PRDM10: variants seen among roughly 807,000 people sequenced by gnomAD.
PRDM10 encodes the protein PR domain zinc finger protein 10.
In PRDM10, 65 loss-of-function variants were observed where a neutral mutation model predicts 133.1. That is an observed-to-expected ratio of 0.49 (90% confidence interval 0.40 to 0.60). The LOEUF is 0.60. Ranked by LOEUF, PRDM10 falls within the 20% of genes least tolerant of loss-of-function variation. The pLI is 0.00. For missense variants in PRDM10, 1,137 were observed against 1,507.1 expected (o/e 0.75, Z 4.07); for synonymous variants, 582 against 580.4 (o/e 1.00, Z -0.04).
At chr11:129,929,657 C>T (rs1950789382) in intron 11 of PRDM10, among the ~76,000 whole-genome samples, 1 of 151,836 alleles carries the variant, frequency 6.6e-6, no homozygotes, top group African/African-American at 2.4e-5. Context: ...AAACCAGTAA[C>T]CCTGCTCATT....
At chr11:129,914,145 G>A (rs1053029432) in intron 17 of PRDM10, among the ~76,000 whole-genome samples, 4 of 152,150 alleles carry the variant, frequency 2.6e-5, no homozygotes, top group Admixed American at 6.5e-5. Context: ...GGGATTACAG[G>A]CATCCGCCAC....
chr11:129,953,000 TCTCA>T (rs1951617472), intron 4 of PRDM10, among the ~76,000 whole-genome samples: 1 of 151,440 alleles, frequency 6.6e-6, no homozygotes, highest in South Asian at 2.1e-4. Flanking sequence ...TGAGACAGAG[TCTCA>T]CTCTTATCGC....
At chr11:129,959,457 CT>C (rs1016127177) in intron 2 of PRDM10, among the ~76,000 whole-genome samples, 8 of 152,154 alleles carry the variant, frequency 5.3e-5, no homozygotes, top group African/African-American at 1.7e-4. Flanking sequence ...AGCTTTTCTG[CT>C]TGGTCTTCAT....
chr11:129,928,905 AGT>A (rs1950766811), intron 11 of PRDM10, among the ~76,000 whole-genome samples: 2 of 152,172 alleles, frequency 1.3e-5, no homozygotes, highest in African/African-American at 4.8e-5. Context: ...TCTCTGAAAC[AGT>A]CTACCTTCCT....
intron 1 of PRDM10, among the ~76,000 whole-genome samples, chr11:129,997,678 G>T (rs1223465968): frequency 6.6e-6 from 1 of 152,130 alleles, no homozygotes; most frequent in Non-Finnish European, 1.5e-5. Context: ...TTGAATAACA[G>T]ACCAAGTTTG....
intron 10 of PRDM10, among the ~76,000 whole-genome samples, chr11:129,931,860 G>C (rs1448840767): frequency 6.6e-6 from 1 of 152,180 alleles, no homozygotes; most frequent in Non-Finnish European, 1.5e-5. Context: ...GAGCCACTGC[G>C]CCTGGCCAAG....
Position 129,961,071 on chromosome 11 carries a change from T to C in PRDM10, c.-107A>G. The stretch of plus-strand genomic sequence containing the variant: ...TGTTCATGAAGGACGGAAAGGTCTG[T>C]CTGCAGCATGCCTGAGAAAACACAG... On this transcript the variant is annotated 5_prime_UTR_variant, in exon 2 of 21. Transcript: ENST00000360871. 5.8e-6 allele frequency: 5 copies of C among 861,854 alleles called. No individual in the cohort carries two copies. Among genetic ancestry groups the C allele is most frequent in the Non-Finnish European group, 7.2e-6 (4 of 558,844 alleles). The allele number at this position is 861,854 out of a possible 1,614,324, so 53.4% of individuals were successfully genotyped here.
intron 1 of PRDM10, among the ~76,000 whole-genome samples, chr11:129,995,502 C>T (rs1195937385): frequency 6.6e-6 from 1 of 152,188 alleles, no homozygotes; most frequent in Admixed American, 6.6e-5. Context: ...TAGCTAGTCC[C>T]TATTAGAAGG....
chr11:129,969,331 A>C (rs981378884), intron 1 of PRDM10, among the ~76,000 whole-genome samples: 6 of 152,176 alleles, frequency 3.9e-5, no homozygotes, highest in Non-Finnish European at 7.3e-5. Flanking sequence ...TAAATACTAC[A>C]GGCCTTGGGC....
In PRDM10 at chr11:129,947,313, C is replaced by T. The variant is rs142043077; in HGVS notation, c.352G>A (p.Asp118Asn). ...LPSIESVDGS[D>N]PLATLQTPLG... ...GGGGTCTGCAGAGTTGCCAAAGGGT[C>T]GGACCCATCTACACTCTCGATGGAA... Residue 118 changes from aspartate to asparagine, a missense_variant, in exon 5 of 21, where the codon GAC (aspartate) becomes AAC (asparagine). Transcript: ENST00000360871. This position sits in a 1 kb window ranked among gnomAD's most constrained non-coding sequence, Gnocchi z 4.6. The T allele has an allele frequency of 1.1e-4, 184 of 1,614,126 alleles. No homozygotes were observed. The African/African-American group carries it at 2.1e-3, about 19-fold the overall frequency.
At position 129,938,396 on chromosome 11, in the gene PRDM10, T is replaced by C. The variant is rs144061608; in HGVS notation, c.967-726A>G. 4.6e-3 allele frequency among the ~76,000 whole-genome samples: 705 copies of C among 152,272 alleles called. 18 individuals carry two copies. The highest frequency in any genetic ancestry group is 0.039 in the Admixed American group (595 of 15,270). ...CTCACACCTCCACCCATCTTCCCCA[T>C]CTTGATGAATACCTTCCACCCAGTT... is the stretch of plus-strand genomic sequence containing the variant. On this transcript the variant is annotated intron_variant, in intron 7 of 20. Transcript: ENST00000360871.
intron 14 of PRDM10, among the ~76,000 whole-genome samples, chr11:129,917,476 G>A (rs898784759): frequency 2.0e-5 from 3 of 152,238 alleles, no homozygotes; most frequent in Non-Finnish European, 2.9e-5. Context: ...ACTCACTGTG[G>A]TGAATTCAGC....
Position 129,945,658 on chromosome 11 carries a change from C to T in PRDM10, c.521-646G>A, listed in dbSNP as rs921369398. ...CAAGAGCACTCGGTTTGCACCAGTC[C>T]GGCCACACGCCCTGCCTCTTTGCCA... On this transcript the variant is annotated intron_variant, in intron 5 of 20. Transcript: ENST00000360871. This position sits in a 1 kb window ranked among gnomAD's most constrained non-coding sequence, Gnocchi z 4.2. 6.6e-6 allele frequency among the ~76,000 whole-genome samples: 1 copy of T among 152,116 alleles called. No individual in the cohort carries two copies. Among genetic ancestry groups the T allele is most frequent in the South Asian group, 2.1e-4 (1 of 4,830 alleles).
chr11:129,990,937 T>C (rs1457464620), intron 1 of PRDM10, among the ~76,000 whole-genome samples: 1 of 152,220 alleles, frequency 6.6e-6, no homozygotes, highest in African/African-American at 2.4e-5. Flanking sequence ...TGGCATATAA[T>C]GAAGACCTAC....
At chr11:129,989,305 G>C (rs920111477) in intron 1 of PRDM10, among the ~76,000 whole-genome samples, 2 of 151,754 alleles carry the variant, frequency 1.3e-5, no homozygotes, top group African/African-American at 4.8e-5. Flanking sequence ...CCCTGCCTCT[G>C]GGAGGGAAAA....
intron 1 of PRDM10, among the ~76,000 whole-genome samples, chr11:129,991,435 G>A (rs996234054): frequency 2.0e-5 from 3 of 152,132 alleles, no homozygotes; most frequent in Non-Finnish European, 2.9e-5. Context: ...TGTAATCCCC[G>A]CACTTTGGGA....
intron 15 of PRDM10, among the ~76,000 whole-genome samples, chr11:129,916,186 C>G (rs1357531516): frequency 6.6e-6 from 1 of 152,194 alleles, no homozygotes; most frequent in Non-Finnish European, 1.5e-5. Context: ...TAAGGCCCAT[C>G]CACCTCATAT....
chr11:129,988,227 G>T lies in PRDM10; in HGVS notation c.-119+14495C>A, dbSNP rs185564903. On this transcript the variant is annotated intron_variant, in intron 1 of 20. Transcript: ENST00000360871. Reference sequence around the variant, plus strand: ...TTAGGAGGAGATAGAAAAATTAATGGTGACAGCTAAATGGTTCAGGAATTC... The same window carrying T: ...TTAGGAGGAGATAGAAAAATTAATGTTGACAGCTAAATGGTTCAGGAATTC... Among the ~76,000 whole-genome samples, 1,112 of 152,256 alleles carry T rather than the reference G, an allele frequency of 7.3e-3. 45 individuals are homozygous for T. The highest frequency in any genetic ancestry group is 0.06 in the Admixed American group (922 of 15,290).
chr11:130,001,749 C>T (rs1939394954), intron 1 of PRDM10, among the ~76,000 whole-genome samples: 1 of 152,194 alleles, frequency 6.6e-6, no homozygotes, highest in Admixed American at 6.5e-5. Context: ...ACCTGCTTAA[C>T]AAAAGCTGGC....
Sources: gnomAD v4.1 joint callset for allele counts (sites outside exome capture counted in the v4.1 genomes callset) on GRCh38, gnomAD v4.1.1 for gene constraint, Gnocchi (gnomAD v3.1) non-coding constraint, MANE v1.5 for transcripts, NCBI Gene and HGNC (gene_info 2026-07-23, HGNC 2026-07-21) for gene names.